LHX5: variants seen among roughly 807,000 people sequenced by gnomAD.
LHX5 encodes LIM homeobox 5.
A neutral mutation model predicts 30.6 loss-of-function variants in LHX5; 5 were observed. The ratio of observed to expected loss-of-function variants is 0.16; its 90% CI spans 0.09 to 0.34. The LOEUF is 0.34. LHX5 is among the 10% of genes least tolerant of loss of function. LHX5 has a pLI of 1.00. For synonymous variants in LHX5, 266 were observed against 252.6 expected, an observed-to-expected ratio of 1.05 and a Z score of -0.50; for missense variants, 458 against 570.6, an observed-to-expected ratio of 0.80 and a Z score of 2.01.
chr12:113,466,796 G>T lies in LHX5; in HGVS notation c.841+460C>A, dbSNP rs1487935655. Among the ~76,000 whole-genome samples, 1 of 152,180 alleles carries T rather than the reference G, an allele frequency of 6.6e-6. No individual in the cohort carries two copies. The highest frequency in any genetic ancestry group is 2.4e-5 in the African/African-American group (1 of 41,446). ...TGCCAAGTACACCAGGCACAGGGCG[G>T]CAGGAAGGCTGTGCGTCTGTCCGTG... On this transcript the variant is annotated intron_variant, in intron 4 of 4. Coordinates refer to ENST00000261731, the MANE Select transcript of LHX5 (RefSeq NM_022363.3). The surrounding 1 kb of genome is among the most constrained non-coding windows in gnomAD (Gnocchi z 6.5).
rs1212379266 is a variant in LHX5 at position 113,471,740 on chromosome 12, G to A, written c.-242C>T. ...CCTCATGCCACGGGCCGCACGCCCC[G>A]GCGCCTGTTCCGGGCTTCCCCAGGT... On this transcript the variant is annotated 5_prime_UTR_variant, in exon 1 of 5. Coordinates refer to ENST00000261731, the MANE Select transcript of LHX5 (RefSeq NM_022363.3). 6.3e-6 allele frequency: 3 copies of A among 474,194 alleles called. No homozygotes were observed. Among genetic ancestry groups the A allele is most frequent in the East Asian group, 3.5e-5 (1 of 28,340 alleles). The allele number at this position is 474,194 out of a possible 1,614,324, so 29.4% of individuals were successfully genotyped here.
In LHX5 at chr12:113,466,446, C is replaced by T. The variant is rs1958215713; in HGVS notation, c.841+810G>A. On this transcript the variant is annotated intron_variant, in intron 4 of 4. Coordinates refer to ENST00000261731, the MANE Select transcript of LHX5 (RefSeq NM_022363.3). This position sits in a 1 kb window ranked among gnomAD's most constrained non-coding sequence, Gnocchi z 6.5. ...GGGGACAGCTCACCCCAGGCCCAAG[C>T]CTGGTACCACCATCTGAAGCCCTTT... Among the ~76,000 whole-genome samples, 1 of 152,300 alleles carries T rather than the reference C, an allele frequency of 6.6e-6. No individual in the cohort carries two copies. Among genetic ancestry groups the T allele is most frequent in the Non-Finnish European group, 1.5e-5 (1 of 68,034 alleles).
At chr12:113,469,455 C>T in intron 1 of LHX5, 110 bp from the exon 2 acceptor site, 1 of 947,136 alleles carries the variant, frequency 1.1e-6, no homozygotes, top group East Asian at 2.5e-5. Context: ...ATTTCCATAT[C>T]TGTCAAACGG....
In LHX5 at chr12:113,465,874, T is replaced by G. The variant is rs1351212210; in HGVS notation, c.841+1382A>C. ...TTGGGGGTCTGTCCGGGGTTGGGGGTCTGTCCAGGGTTGGGGGGCTGTCCA... is the reference window on the plus strand; with the variant it reads ...TTGGGGGTCTGTCCGGGGTTGGGGGGCTGTCCAGGGTTGGGGGGCTGTCCA... On this transcript the variant is annotated intron_variant, in intron 4 of 4. Transcript: ENST00000261731. The surrounding 1 kb of genome is among the most constrained non-coding windows in gnomAD (Gnocchi z 6.7). 5.4e-5 allele frequency among the ~76,000 whole-genome samples: 8 copies of G among 149,046 alleles called. No homozygotes were observed. The highest frequency in any genetic ancestry group is 2.1e-4 in the South Asian group (1 of 4,740).
chr12:113,467,666 G>C lies in LHX5; in HGVS notation c.676-245C>G, dbSNP rs952731277. Among the ~76,000 whole-genome samples the C allele has an allele frequency of 6.6e-6, 1 of 152,208 alleles. No homozygotes were observed. Among genetic ancestry groups the C allele is most frequent in the Non-Finnish European group, 1.5e-5 (1 of 68,028 alleles). On this transcript the variant is annotated intron_variant, in intron 3 of 4. Coordinates refer to ENST00000261731, the MANE Select transcript of LHX5 (RefSeq NM_022363.3). This position sits in a 1 kb window ranked among gnomAD's most constrained non-coding sequence, Gnocchi z 6.3. ...TAAAGACTTGGGCTTCCTGGTCCCC[G>C]GCTCGCCCGCGGCCTGACGGCTCTA...
At position 113,467,266 on chromosome 12, in the gene LHX5, G is replaced by C; in HGVS notation, c.831C>G (p.Thr277=). The C allele has an allele frequency of 6.8e-7, 1 of 1,479,146 alleles. No individual in the cohort carries two copies. Among genetic ancestry groups the C allele is most frequent in the Non-Finnish European group, 9.1e-7 (1 of 1,103,216 alleles). 91.6% of individuals were successfully genotyped at this position (1,479,146 alleles called of 1,614,324 possible). The stretch of plus-strand genomic sequence containing the variant: ...CGGGGCGCCCCTTACCTCCGTAGTA[G>C]GTGTACGGGGTGGACCCCAACATCT... ...ESEMLGSTPY[T]YYGDYQGDYY... The change falls in exon 4 of 5, where the codon ACC becomes ACG. Residue 277 remains threonine (T), a synonymous_variant. Transcript: ENST00000261731. The surrounding 1 kb of genome is among the most constrained non-coding windows in gnomAD (Gnocchi z 6.3).
rs1958184135 is a variant in LHX5 at position 113,462,973 on chromosome 12, G to C, written c.*217C>G. 1 of 501,406 alleles carries C rather than the reference G, an allele frequency of 2.0e-6. No homozygotes were observed. Among genetic ancestry groups the C allele is most frequent in the African/African-American group, 2.1e-5 (1 of 48,376 alleles). The allele number at this position is 501,406 out of a possible 1,614,324, so 31.1% of individuals were successfully genotyped here. ...CGGTTGCTGGGAGAGTACTGGCGGT[G>C]GGCTGAGGCTCCTGGAGAGCCCGCG... On this transcript the variant is annotated 3_prime_UTR_variant, in exon 5 of 5. Transcript: ENST00000261731.
rs1203171658 is a variant in LHX5, at chr12:113,468,326, G to A, written c.476C>T (p.Ser159Leu). 6.8e-6 allele frequency: 11 copies of A among 1,614,056 alleles called. No individual in the cohort carries two copies. In the African/African-American group the frequency reaches 1.5e-4, roughly 22 times the overall value. Residue 159 changes from serine to leucine, a missense_variant, in exon 3 of 5, where the codon TCG (serine) becomes TTG (leucine). Transcript: ENST00000261731. ...GGCCGTCTCCTTGTCCGACGAGGTC[G>A]AGTTGTCCGTCTCTTTGGGGTCGTC... ...LQDDPKETDN[S>L]TSSDKETANN...
chr12:113,466,750 C>T lies in LHX5; in HGVS notation c.841+506G>A, dbSNP rs1486265700. On this transcript the variant is annotated intron_variant, in intron 4 of 4. Transcript: ENST00000261731. The surrounding 1 kb of genome is among the most constrained non-coding windows in gnomAD (Gnocchi z 6.5). ...CATCCCCTCCCCTCACACTACCCTCCAGCGCTCGGAATCCACCTCATGCCA... is the reference window on the plus strand; with the variant it reads ...CATCCCCTCCCCTCACACTACCCTCTAGCGCTCGGAATCCACCTCATGCCA... 6.6e-6 allele frequency among the ~76,000 whole-genome samples: 1 copy of T among 152,198 alleles called. No individual in the cohort carries two copies. Among genetic ancestry groups the T allele is most frequent in the Non-Finnish European group, 1.5e-5 (1 of 68,038 alleles).
chr12:113,470,181 A>G (rs2136979848), intron 1 of LHX5, among the ~76,000 whole-genome samples: 1 of 151,888 alleles, frequency 6.6e-6, no homozygotes, highest in African/African-American at 2.4e-5. Context: ...CTCCCCCGAA[A>G]TAGGAGATGG....
At position 113,467,586 on chromosome 12, in the gene LHX5, G is replaced by C. The variant is rs1244277344; in HGVS notation, c.676-165C>G. The stretch of plus-strand genomic sequence containing the variant: ...GATTAGGCCGGGAGGGGTGGAGAGA[G>C]GCTTCGGCGAACCAGCCAAGGGTGA... On this transcript the variant is annotated intron_variant, in intron 3 of 4. Transcript: ENST00000261731. This position sits in a 1 kb window ranked among gnomAD's most constrained non-coding sequence, Gnocchi z 6.3. 6.6e-6 allele frequency among the ~76,000 whole-genome samples: 1 copy of C among 152,212 alleles called. No individual in the cohort carries two copies. Among genetic ancestry groups the C allele is most frequent in the East Asian group, 1.9e-4 (1 of 5,166 alleles).
chr12:113,469,886 A>G (rs907288014), intron 1 of LHX5, among the ~76,000 whole-genome samples: 1 of 152,222 alleles, frequency 6.6e-6, no homozygotes, highest in Non-Finnish European at 1.5e-5. Flanking sequence ...GGAACCTTCC[A>G]CTGATTTCCA....
At position 113,463,440 on chromosome 12, in the gene LHX5, G is replaced by A. The variant is rs771739819; in HGVS notation, c.959C>T (p.Ser320Leu). 3 of 1,554,884 alleles carry A rather than the reference G, an allele frequency of 1.9e-6. No homozygotes were observed. The highest frequency in any genetic ancestry group is 1.9e-5 in the Admixed American group (1 of 53,300). ...CGGTTCCAGCGCTCCCAGCGGCGTCGAGCCGGGGCCAGAGGCCGCCAGGAA... is the reference window on the plus strand; with the variant it reads ...CGGTTCCAGCGCTCCCAGCGGCGTCAAGCCGGGGCCAGAGGCCGCCAGGAA... ...SSFLAASGPG[S>L]TPLGALEPPL... The change falls in exon 5 of 5, where the codon TCG (serine) becomes TTG (leucine). Residue 320 changes from serine (S) to leucine (L), a missense_variant. Coordinates refer to ENST00000261731, the MANE Select transcript of LHX5 (RefSeq NM_022363.3). This position sits in a 1 kb window ranked among gnomAD's most constrained non-coding sequence, Gnocchi z 6.7.
In LHX5 at chr12:113,467,988, G is replaced by T; in HGVS notation, c.675+139C>A. 3.3e-6 allele frequency: 4 copies of T among 1,206,670 alleles called. No homozygotes were observed. Among genetic ancestry groups the T allele is most frequent in the Non-Finnish European group, 4.5e-6 (4 of 892,512 alleles). 74.7% of individuals were successfully genotyped at this position (1,206,670 alleles called of 1,614,324 possible). The stretch of plus-strand genomic sequence containing the variant: ...TCACAGTCCCCGACCTCGGGCAAGT[G>T]CCCCACTCGGGCGCACGGTCTGCTC... On this transcript the variant is annotated intron_variant, in intron 3 of 4. Coordinates refer to ENST00000261731, the MANE Select transcript of LHX5 (RefSeq NM_022363.3). This position sits in a 1 kb window ranked among gnomAD's most constrained non-coding sequence, Gnocchi z 6.3.
Position 113,465,527 on chromosome 12 carries a change from C to A in LHX5, c.841+1729G>T, listed in dbSNP as rs994491384. On this transcript the variant is annotated intron_variant, in intron 4 of 4. Coordinates refer to ENST00000261731, the MANE Select transcript of LHX5 (RefSeq NM_022363.3). The surrounding 1 kb of genome is among the most constrained non-coding windows in gnomAD (Gnocchi z 6.7). The stretch of plus-strand genomic sequence containing the variant: ...GGTCGCCACCGCCGGGATCTCCCAG[C>A]GCGGATTAGGCGGGGCTGCCTCGCT... 6.6e-5 allele frequency among the ~76,000 whole-genome samples: 10 copies of A among 152,226 alleles called. No homozygotes were observed. The highest frequency in any genetic ancestry group is 2.4e-4 in the African/African-American group (10 of 41,474).
At chr12:113,469,367 C>T in intron 1 of LHX5, 22 bp from the exon 2 acceptor site, 1 of 1,602,980 alleles carries the variant, frequency 6.2e-7, no homozygotes, top group African/African-American at 1.3e-5. Context: ...ATGTGCCTGT[C>T]ACTATGGGGT....
In LHX5 at chr12:113,462,766, A is replaced by G. The variant is rs1303058277; in HGVS notation, c.*424T>C. ...AAGCACAGCGAGAAATAAGATTACA[A>G]AATGCCACTCGGATTGCAGAGAGAG... On this transcript the variant is annotated 3_prime_UTR_variant, in exon 5 of 5. Transcript: ENST00000261731. The G allele has an allele frequency of 6.6e-6, 1 of 151,764 alleles. No homozygotes were observed. The highest frequency in any genetic ancestry group is 1.4e-5 in the Non-Finnish European group (1 of 70,446). The allele number at this position is 151,764 out of a possible 1,614,324, so 9.4% of individuals were successfully genotyped here. A position where few individuals can be genotyped will look rare whatever the true frequency, so the allele number is the denominator to read the frequency against.
At chr12:113,470,463 A>G (rs1289221617) in intron 1 of LHX5, among the ~76,000 whole-genome samples, 1 of 152,134 alleles carries the variant, frequency 6.6e-6, no homozygotes, top group African/African-American at 2.4e-5. Context: ...AGCGGCTGAC[A>G]TTTTCTCCCA....
In LHX5 at chr12:113,471,442, G is replaced by T; in HGVS notation, c.57C>A (p.Asn19Lys). 4 of 1,612,716 alleles carry T rather than the reference G, an allele frequency of 2.5e-6. No individual in the cohort carries two copies. The highest frequency in any genetic ancestry group is 3.4e-6 in the Non-Finnish European group (4 of 1,179,408). ...TGATGTGCCACGCGCGGTCCAGCAC[G>T]TTCAGCAGAAAGCGGTCGAGGATGG... ...ERPILDRFLL[N>K]VLDRAWHIKC... Residue 19 changes from asparagine (N) to lysine (K), a missense_variant, in exon 1 of 5, where the codon AAC (asparagine) becomes AAA (lysine). Physicochemically the swap from Asn to Lys is moderately conservative, Grantham distance 94. Coordinates refer to ENST00000261731, the MANE Select transcript of LHX5 (RefSeq NM_022363.3).
Sources: gnomAD v4.1 joint callset for allele counts (sites outside exome capture counted in the v4.1 genomes callset) on GRCh38, gnomAD v4.1.1 for gene constraint, Gnocchi (gnomAD v3.1) non-coding constraint, MANE v1.5 for transcripts, NCBI Gene and HGNC (gene_info 2026-07-23, HGNC 2026-07-21) for gene names.